Variants in ATG5 observed in about 807,000 individuals in gnomAD.
ATG5 encodes autophagy related 5, also known as autophagy protein 5.
A neutral mutation model predicts 36.5 loss-of-function variants in ATG5; 14 were observed. The observed-to-expected ratio is 0.38, with a 90% CI of 0.25 to 0.60. The LOEUF (loss-of-function observed/expected upper bound fraction) is 0.60. Ranked by LOEUF, ATG5 falls within the 20% of genes least tolerant of loss-of-function variation. ATG5 has a pLI of 0.60. For missense variants in ATG5, 195 were observed against 326.7 expected (o/e 0.60, Z 3.11); for synonymous variants, 95 against 101.5 (o/e 0.94, Z 0.38).
chr6:106,266,994 CTGGCCAGGGCAATCAGGCAAGAGA>C (rs1228499732), intron 5 of ATG5, among the ~76,000 whole-genome samples: 1 of 152,174 alleles, frequency 6.6e-6, no homozygotes, highest in Non-Finnish European at 1.5e-5. Context: ...ACTGGAAGTT[CTGGCCAGGGCAATCAGGCAAGAGA>C]AAAAATAAAG....
chr6:106,292,146 G>C (rs1183217119), intron 4 of ATG5, among the ~76,000 whole-genome samples: 1 of 152,178 alleles, frequency 6.6e-6, no homozygotes, highest in Non-Finnish European at 1.5e-5. Context: ...AGGAGTTCAA[G>C]ACCAGTTCAA....
intron 6 of ATG5, among the ~76,000 whole-genome samples, chr6:106,242,849 C>CG (rs1489078399): frequency 1.3e-5 from 2 of 152,162 alleles, no homozygotes; most frequent in African/African-American, 4.8e-5. Flanking sequence ...TGCAAGATAT[C>CG]TACTAAAATG....
chr6:106,202,947 G>C (rs9398073), intron 6 of ATG5, among the ~76,000 whole-genome samples: 22,835 of 152,164 alleles, frequency 0.15, 2,059 homozygotes, highest in Non-Finnish European at 0.19. Context: ...ACAGGCGTGA[G>C]CCAACCGCTC....
intron 6 of ATG5, 88 bp downstream of exon 6, chr6:106,248,062 T>C (rs1398383099): frequency 3.0e-6 from 3 of 1,004,528 alleles, no homozygotes; most frequent in Middle Eastern, 2.1e-4. Context: ...TTAGTTACTA[T>C]GCAGACAAAG....
intron 4 of ATG5, among the ~76,000 whole-genome samples, chr6:106,289,248 A>G (rs1780208756): frequency 6.6e-6 from 1 of 152,190 alleles, no homozygotes; most frequent in Non-Finnish European, 1.5e-5. Flanking sequence ...ACACTTACCC[A>G]GTTTCATTAT....
At chr6:106,195,821 A>G (rs943168959) in intron 7 of ATG5, among the ~76,000 whole-genome samples, 1 of 151,542 alleles carries the variant, frequency 6.6e-6, no homozygotes, top group Non-Finnish European at 1.5e-5. Flanking sequence ...AAAAAAAAAA[A>G]AAAAAAAAAA....
At chr6:106,221,564 T>C (rs1006256399) in intron 6 of ATG5, among the ~76,000 whole-genome samples, 3 of 151,784 alleles carry the variant, frequency 2.0e-5, no homozygotes, top group African/African-American at 7.3e-5. Context: ...TGTGCGCCTG[T>C]AGTCCCAGCT....
chr6:106,219,353 G>T (rs575515402), intron 6 of ATG5, among the ~76,000 whole-genome samples: 2 of 152,252 alleles, frequency 1.3e-5, no homozygotes, highest in Non-Finnish European at 2.9e-5. Flanking sequence ...ACATACATTA[G>T]TTTGGCTATT....
At chr6:106,305,342 G>A (rs1225050911) in intron 3 of ATG5, among the ~76,000 whole-genome samples, 1 of 151,934 alleles carries the variant, frequency 6.6e-6, no homozygotes, top group Non-Finnish European at 1.5e-5. Flanking sequence ...AAAGCCCCCG[G>A]TACTCTTCAT....
At chr6:106,212,423 C>T (rs1776886981) in intron 6 of ATG5, among the ~76,000 whole-genome samples, 1 of 152,172 alleles carries the variant, frequency 6.6e-6, no homozygotes, top group African/African-American at 2.4e-5. Flanking sequence ...GGCGGATCAC[C>T]TGAGGTCAGG....
intron 3 of ATG5, among the ~76,000 whole-genome samples, chr6:106,304,746 T>G (rs966236768): frequency 6.6e-6 from 1 of 152,174 alleles, no homozygotes; most frequent in African/African-American, 2.4e-5. Context: ...ATTTTGTAAG[T>G]AGCTACACAA....
At chr6:106,311,765 T>C (rs1243482775) in intron 2 of ATG5, among the ~76,000 whole-genome samples, 2 of 151,152 alleles carry the variant, frequency 1.3e-5, no homozygotes, top group Non-Finnish European at 2.9e-5. Context: ...AACTGCAGAC[T>C]AGAAAATGGA....
chr6:106,292,551 T>C (rs1484922349), intron 4 of ATG5, among the ~76,000 whole-genome samples: 2 of 152,200 alleles, frequency 1.3e-5, no homozygotes, highest in African/African-American at 4.8e-5. Context: ...CTCAACAGTA[T>C]TAGGTTGTCC....
chr6:106,322,272 T>C (rs1006904267), intron 1 of ATG5, among the ~76,000 whole-genome samples: 1 of 152,186 alleles, frequency 6.6e-6, no homozygotes. Context: ...GACAACAATA[T>C]AATGCATAAT....
chr6:106,288,121 C>T (rs1780156606), intron 4 of ATG5, among the ~76,000 whole-genome samples: 1 of 151,182 alleles, frequency 6.6e-6, no homozygotes, highest in East Asian at 1.9e-4. Context: ...CAGGCACCTA[C>T]CACCATGCCC....
Position 106,186,410 on chromosome 6 carries a change from C to G in ATG5, c.*130G>C. 9.0e-7 allele frequency: 1 copy of G among 1,109,288 alleles called. No homozygotes were observed. The highest frequency in any genetic ancestry group is 1.3e-6 in the Non-Finnish European group (1 of 775,876). The allele number at this position is 1,109,288 out of a possible 1,614,324, so 68.7% of individuals were successfully genotyped here. ...GCCTTATCTGACATGGAATCTTTTT[C>G]CTGTCTGGCTTGCAGCAGCGAAGTG... On this transcript the variant is annotated 3_prime_UTR_variant, in exon 8 of 8. Transcript: ENST00000369076.
intron 2 of ATG5, among the ~76,000 whole-genome samples, chr6:106,313,282 C>A (rs1770720753): frequency 6.6e-6 from 1 of 152,186 alleles, no homozygotes. Context: ...CATATCATTT[C>A]TCTTTTCTTC....
rs983476893 is a variant in ATG5 at position 106,228,986 on chromosome 6, C to A, written c.573+19164G>T. 3.9e-5 allele frequency among the ~76,000 whole-genome samples: 6 copies of A among 152,354 alleles called. No individual in the cohort carries two copies. The South Asian group carries it at 1.2e-3, about 32-fold the overall frequency. On this transcript the variant is annotated intron_variant, in intron 6 of 7. Transcript: ENST00000369076. ...CGGCATTAGCCGGTTGAGATCATGT[C>A]GCAGCCAGAAGTCTCTACTCAACAG... is the stretch of plus-strand genomic sequence containing the variant.
At chr6:106,323,038 G>C (rs1771152656) in intron 1 of ATG5, among the ~76,000 whole-genome samples, 1 of 151,926 alleles carries the variant, frequency 6.6e-6, no homozygotes, top group Non-Finnish European at 1.5e-5. Context: ...TCCTGCTTCA[G>C]CCTCCCAGTG....
Sources: allele counts gnomAD v4.1 joint callset (sites outside exome capture counted in the v4.1 genomes callset), GRCh38; gene constraint gnomAD v4.1.1; transcripts MANE v1.5; gene names NCBI Gene and HGNC (gene_info 2026-07-23, HGNC 2026-07-21).